Variants in ZKSCAN1 observed in about 807,000 individuals in gnomAD.
The protein encoded by ZKSCAN1 is zinc finger with KRAB and SCAN domains 1.
A neutral mutation model predicts 51.6 loss-of-function variants in ZKSCAN1; 14 were observed. That is an observed-to-expected ratio of 0.27 (90% CI 0.18 to 0.42). ZKSCAN1 has a LOEUF of 0.42. Ranked by LOEUF, ZKSCAN1 falls within the 10% of genes least tolerant of loss-of-function variation. The pLI is 1.00. For synonymous variants in ZKSCAN1, 263 were observed against 261.5 expected (o/e 1.01, Z -0.06); for missense variants, 531 against 710.0 (o/e 0.75, Z 2.86).
chr7:100,033,176 G>A lies in ZKSCAN1; in HGVS notation c.800-129G>A. ...GACAGAGCGAGACTCTGTCTCAAAG[G>A]AAATAAAAATAAAAATATTGCAAAG... On this transcript the variant is annotated intron_variant, in intron 5 of 5. Transcript: ENST00000324306. The surrounding 1 kb of genome is among the most constrained non-coding windows in gnomAD (Gnocchi z 4.1). 1.4e-6 allele frequency: 2 copies of A among 1,424,862 alleles called. No individual in the cohort carries two copies. The highest frequency in any genetic ancestry group is 1.8e-6 in the Non-Finnish European group (2 of 1,088,578). The allele number at this position is 1,424,862 out of a possible 1,614,324, so 88.3% of individuals were successfully genotyped here. A position where few individuals can be genotyped will look rare whatever the true frequency, so the allele number is the denominator to read the frequency against.
chr7:100,018,309 A>G (rs1293331176), intron 1 of ZKSCAN1, among the ~76,000 whole-genome samples: 3 of 152,208 alleles, frequency 2.0e-5, no homozygotes, highest in Non-Finnish European at 4.4e-5. Context: ...GCAAGGAATC[A>G]TGCTAAGTGG....
chr7:100,042,454 C>G (rs924233139), downstream of ZKSCAN1, among the ~76,000 whole-genome samples: 4 of 151,918 alleles, frequency 2.6e-5, no homozygotes, highest in Non-Finnish European at 5.9e-5. Context: ...AACCAATTCT[C>G]TGGACACCAA....
At chr7:100,029,070 A>G (rs1790976418) in intron 3 of ZKSCAN1, among the ~76,000 whole-genome samples, 1 of 151,376 alleles carries the variant, frequency 6.6e-6, no homozygotes, top group African/African-American at 2.4e-5. Context: ...AGGCTGAGGC[A>G]GGAGAATCAC....
chr7:100,043,216 C>G (rs1791643371), downstream of ZKSCAN1, among the ~76,000 whole-genome samples: 1 of 152,006 alleles, frequency 6.6e-6, no homozygotes, highest in Non-Finnish European at 1.5e-5. Context: ...ACACCCAGCC[C>G]TATTTTTTCT....
rs1791442467 is a variant in ZKSCAN1 at position 100,038,128 on chromosome 7, T to TA, written c.*3932dup. 1.0e-6 allele frequency: 1 copy of TA among 985,348 alleles called. No homozygotes were observed. The highest frequency in any genetic ancestry group is 1.2e-6 in the Non-Finnish European group (1 of 829,954). The allele number at this position is 985,348 out of a possible 1,614,324, so 61.0% of individuals were successfully genotyped here. A position where few individuals can be genotyped will look rare whatever the true frequency, so the allele number is the denominator to read the frequency against. On this transcript the variant is annotated 3_prime_UTR_variant, in exon 6 of 6. Coordinates refer to ENST00000324306, the MANE Select transcript of ZKSCAN1 (RefSeq NM_003439.4). ...AAAAATAGCAAAATGTGCAACTTCT[T>TA]ACAAAAATTGTTAACGTTAGGTACT... is the stretch of plus-strand genomic sequence containing the variant.
intron 1 of ZKSCAN1, among the ~76,000 whole-genome samples, chr7:100,021,116 C>CTTTTTTTTTTTTTTTTTTTTTTTCTT: frequency 1.2e-5 from 1 of 85,292 alleles, no homozygotes; most frequent in Non-Finnish European, 2.2e-5. Context: ...TTTTTTTTTC[C>CTTTTTTTTTTTTTTTTTTTTTTTCTT]TTTTTTTTTT....
intron 1 of ZKSCAN1, among the ~76,000 whole-genome samples, chr7:100,017,828 C>T (rs1029417566): frequency 1.3e-4 from 20 of 152,294 alleles, no homozygotes; most frequent in African/African-American, 4.6e-4. Context: ...GGATGTGCCA[C>T]TTACTTGTGG....
Position 100,041,422 on chromosome 7 carries a change from TTAAA to T in ZKSCAN1, c.*7226_*7229del, listed in dbSNP as rs1198329203. 5.6e-5 allele frequency: 55 copies of T among 985,318 alleles called. No homozygotes were observed. Among genetic ancestry groups the T allele is most frequent in the Non-Finnish European group, 6.3e-5 (52 of 829,950 alleles). The allele number at this position is 985,318 out of a possible 1,614,324, so 61.0% of individuals were successfully genotyped here. A position where few individuals can be genotyped will look rare whatever the true frequency, so the allele number is the denominator to read the frequency against. On this transcript the variant is annotated 3_prime_UTR_variant, in exon 6 of 6. Coordinates refer to ENST00000324306, the MANE Select transcript of ZKSCAN1 (RefSeq NM_003439.4). ...GGAATCTTAGAGGAAAAGTGGTTTT[TTAAA>T]AGCTAGGGAACTCCTCCACTAAAAG...
At position 100,020,205 on chromosome 7, in the gene ZKSCAN1, A is replaced by G. The variant is rs1009072996; in HGVS notation, c.-88-3214A>G. On this transcript the variant is annotated intron_variant, in intron 1 of 5. Transcript: ENST00000324306. ...AGCTTTAAAGGTTAAGTAGGATTTG[A>G]AAAGGCAGAGAGGACTGCGGGGGGA... 3.9e-5 allele frequency among the ~76,000 whole-genome samples: 6 copies of G among 152,340 alleles called. No individual in the cohort carries two copies. In the South Asian group the frequency reaches 1.0e-3, roughly 26 times the overall value.
chr7:100,029,230 T>C (rs1401156161), intron 3 of ZKSCAN1, among the ~76,000 whole-genome samples: 2 of 151,672 alleles, frequency 1.3e-5, no homozygotes, highest in African/African-American at 4.8e-5. Flanking sequence ...TCCCTGCCTT[T>C]CTGGATATTG....
chr7:100,017,722 A>G (rs1331849010), intron 1 of ZKSCAN1, among the ~76,000 whole-genome samples: 1 of 152,124 alleles, frequency 6.6e-6, no homozygotes. Flanking sequence ...GCCCATATTC[A>G]CCCAGAGGTA....
Position 100,036,858 on chromosome 7 carries a change from C to T in ZKSCAN1, c.*2661C>T, listed in dbSNP as rs1791385961. The T allele has an allele frequency of 2.0e-6, 2 of 983,168 alleles. No homozygotes were observed. The highest frequency in any genetic ancestry group is 1.1e-4 in the East Asian group (1 of 8,738). 60.9% of individuals were successfully genotyped at this position (983,168 alleles called of 1,614,324 possible). On this transcript the variant is annotated 3_prime_UTR_variant, in exon 6 of 6. Coordinates refer to ENST00000324306, the MANE Select transcript of ZKSCAN1 (RefSeq NM_003439.4). The stretch of plus-strand genomic sequence containing the variant: ...GTTTTTTTTTTTCTTTCAGCCACAA[C>T]TATATGCTGATATAACTCAGCCATC...
chr7:100,021,817 T>C (rs1790603839), intron 1 of ZKSCAN1, among the ~76,000 whole-genome samples: 1 of 151,810 alleles, frequency 6.6e-6, no homozygotes, highest in South Asian at 2.1e-4. Context: ...TGATCGTAGC[T>C]GACTGCAGCC....
Position 100,023,738 on chromosome 7 carries a change from A to G in ZKSCAN1, c.232A>G (p.Lys78Glu). The G allele has an allele frequency of 6.2e-7, 1 of 1,614,202 alleles. No individual in the cohort carries two copies. The highest frequency in any genetic ancestry group is 8.5e-7 in the Non-Finnish European group (1 of 1,180,048). The stretch of plus-strand genomic sequence containing the variant: ...GCCCCGAGAGGCTCTCAGTCGGCTG[A>G]AGGAACTTTGTCATCAGTGGCTGCG... ...FGPREALSRLKELCHQWLRPE... is the reference protein window; with the variant it reads ...FGPREALSRLEELCHQWLRPE... Residue 78 changes from lysine (K) to glutamate (E), a missense_variant, in exon 2 of 6, where the codon AAG becomes GAG. Lys to Glu is a moderately conservative substitution (Grantham distance 56, BLOSUM62 1). Coordinates refer to ENST00000324306, the MANE Select transcript of ZKSCAN1 (RefSeq NM_003439.4).
intron 1 of ZKSCAN1, among the ~76,000 whole-genome samples, chr7:100,023,135 C>T (rs1366990299): frequency 1.3e-5 from 2 of 152,110 alleles, no homozygotes; most frequent in Non-Finnish European, 2.9e-5. Context: ...CTCAGCTTTC[C>T]GAGTAGCTGG....
At chr7:100,044,962 A>AGC, downstream of ZKSCAN1, 3 of 985,406 alleles carry the variant, frequency 3.0e-6, no homozygotes, top group Non-Finnish European at 3.6e-6. Flanking sequence ...GATGAGAACG[A>AGC]GCGAGGAAGA....
Position 100,041,665 on chromosome 7 carries a change from A to G in ZKSCAN1, c.*7468A>G, listed in dbSNP as rs1420312226. ...TTTCTCTTCTGAGTCATGGTAAAAC[A>G]ATAAATTATCATCTCTAGGTGGCAG... On this transcript the variant is annotated 3_prime_UTR_variant, in exon 6 of 6. Transcript: ENST00000324306. 7.1e-6 allele frequency: 7 copies of G among 985,314 alleles called. No homozygotes were observed. The highest frequency in any genetic ancestry group is 8.4e-6 in the Non-Finnish European group (7 of 829,938). 61.0% of individuals were successfully genotyped at this position (985,314 alleles called of 1,614,324 possible).
chr7:100,021,858 C>G (rs1176491039), intron 1 of ZKSCAN1, among the ~76,000 whole-genome samples: 1 of 151,910 alleles, frequency 6.6e-6, no homozygotes, highest in Non-Finnish European at 1.5e-5. Context: ...AATCCTCCCA[C>G]CTTAGCCTCC....
At chr7:100,024,593 A>G in intron 3 of ZKSCAN1, 2 of 331,470 alleles carry the variant, frequency 6.0e-6, no homozygotes, top group South Asian at 3.4e-5. Flanking sequence ...ACCCTGTCTC[A>G]AAAGCTACTT....
Sources: allele counts gnomAD v4.1 joint callset (sites outside exome capture counted in the v4.1 genomes callset), GRCh38; gene constraint gnomAD v4.1.1; non-coding constraint Gnocchi (gnomAD v3.1); transcripts MANE v1.5; gene names NCBI Gene and HGNC (gene_info 2026-07-23, HGNC 2026-07-21).